Variants in FOXP2 observed in about 807,000 individuals in gnomAD.
FOXP2 encodes the protein forkhead box P2, also known as forkhead box protein P2.
FOXP2 carries 12 observed loss-of-function variants against 115.8 expected under a neutral mutation model. The observed-to-expected ratio is 0.10, with a 90% CI of 0.07 to 0.17. The LOEUF is 0.17. FOXP2 is among the 10% of genes least tolerant of loss of function. FOXP2 has a pLI of 1.00. For missense variants in FOXP2, 629 were observed against 843.5 expected (o/e 0.75, Z 3.15); for synonymous variants, 328 against 297.7 (o/e 1.10, Z -1.05).
At position 114,648,376 on chromosome 7, in the gene FOXP2, A is replaced by G. The variant is rs1806038789; in HGVS notation, c.1094+3587A>G. 2.0e-5 allele frequency among the ~76,000 whole-genome samples: 3 copies of G among 152,102 alleles called. No individual in the cohort carries two copies. The South Asian group carries it at 6.2e-4, about 31-fold the overall frequency. On this transcript the variant is annotated intron_variant, in intron 8 of 16. Coordinates refer to ENST00000350908, the MANE Select transcript of FOXP2 (RefSeq NM_014491.4). ...TCAGTGTTTAAACATAAAAAGCTTG[A>G]TGCAAAATAAATCAAACACCAGTGA...
At chr7:114,498,680 C>T (rs1485895043) in intron 2 of FOXP2, among the ~76,000 whole-genome samples, 1 of 152,102 alleles carries the variant, frequency 6.6e-6, no homozygotes, top group African/African-American at 2.4e-5. Flanking sequence ...GAAAAATATT[C>T]TTATACCAAA....
chr7:114,528,864 A>G (rs1020582557), intron 2 of FOXP2, among the ~76,000 whole-genome samples: 3 of 151,968 alleles, frequency 2.0e-5, no homozygotes, highest in Non-Finnish European at 2.9e-5. Flanking sequence ...TAGCAGAAAG[A>G]TAAATAATCA....
intron 3 of FOXP2, among the ~76,000 whole-genome samples, chr7:114,563,524 T>C (rs551715317): frequency 6.6e-6 from 1 of 152,306 alleles, no homozygotes; most frequent in East Asian, 1.9e-4. Context: ...AATCAGGAAG[T>C]TGAATGCCAC....
rs1226572677 is a variant in FOXP2, at chr7:114,389,997, C to G, written c.-10-36505C>G. ...TGAGATCGGACCACTGCTCTCCAGC[C>G]TGGGCAACAGAGTGACATTCAGTGT... On this transcript the variant is annotated intron_variant, in intron 2 of 17. Transcript: ENST00000634411. Among the ~76,000 whole-genome samples, 7 of 130,762 alleles carry G rather than the reference C, an allele frequency of 5.4e-5. No homozygotes were observed. In the East Asian group the frequency reaches 1.8e-3, roughly 33 times the overall value. The allele number at this position is 130,762 out of a possible 152,430, so 85.8% of individuals were successfully genotyped here.
chr7:114,167,828 C>T (rs997983152), intron 1 of FOXP2, among the ~76,000 whole-genome samples: 9 of 150,990 alleles, frequency 6.0e-5, no homozygotes, highest in Non-Finnish European at 1.0e-4. Flanking sequence ...CCCAGCTACT[C>T]GGGAGGCTGA....
intron 1 of FOXP2, among the ~76,000 whole-genome samples, chr7:114,214,423 T>C (rs886249660): frequency 6.6e-6 from 1 of 152,236 alleles, no homozygotes; most frequent in Non-Finnish European, 1.5e-5. Flanking sequence ...AACCAAAGCC[T>C]ATCTGCAACT....
chr7:114,251,419 C>T (rs1054001735), intron 1 of FOXP2, among the ~76,000 whole-genome samples: 2 of 152,138 alleles, frequency 1.3e-5, no homozygotes, highest in Non-Finnish European at 2.9e-5. Flanking sequence ...TTGATTCTTC[C>T]TATCCATGAA....
chr7:114,514,113 ACACACG>A (rs961899046), intron 2 of FOXP2, among the ~76,000 whole-genome samples: 4 of 135,172 alleles, frequency 3.0e-5, no homozygotes, highest in African/African-American at 1.1e-4. Flanking sequence ...ACACACACAC[ACACACG>A]CCATAAATAT....
At chr7:114,428,391 T>C (rs1258474953) in intron 2 of FOXP2, among the ~76,000 whole-genome samples, 1 of 151,492 alleles carries the variant, frequency 6.6e-6, no homozygotes, top group Non-Finnish European at 1.5e-5. Flanking sequence ...TAACCTGAGT[T>C]TGAAGTTTAC....
rs78587731 is a variant in FOXP2, at chr7:114,091,366, A to T, written c.-247+3528A>T. Among the ~76,000 whole-genome samples the T allele has an allele frequency of 6.4e-3, 978 of 151,998 alleles. 10 individuals carry two copies. Among genetic ancestry groups the T allele is most frequent in the African/African-American group, 0.022 (932 of 41,570 alleles). ...GTATTAAAATTATAAAGTAAATTTA[A>T]GGGTATACAGTGATATATTTTCAGT... is the stretch of plus-strand genomic sequence containing the variant. On this transcript the variant is annotated intron_variant, in intron 1 of 19. Coordinates refer to the FOXP2 transcript ENST00000635638.
At chr7:114,207,381 A>G (rs1450323053) in intron 1 of FOXP2, among the ~76,000 whole-genome samples, 2 of 152,158 alleles carry the variant, frequency 1.3e-5, no homozygotes, top group Non-Finnish European at 2.9e-5. Flanking sequence ...AAGTCTCTGT[A>G]CCATTTTAAA....
At chr7:114,355,479 G>A (rs796860735) in intron 2 of FOXP2, among the ~76,000 whole-genome samples, 7 of 152,176 alleles carry the variant, frequency 4.6e-5, no homozygotes, top group African/African-American at 1.4e-4. Context: ...ATGCACTTAG[G>A]TCAGAAATCA....
intron 2 of FOXP2, among the ~76,000 whole-genome samples, chr7:114,390,523 T>A (rs1792566844): frequency 6.9e-4 from 1 of 1,440 alleles, no homozygotes; most frequent in African/African-American, 9.0e-4. Flanking sequence ...TTTATTTATG[T>A]ATTTATTTAT....
At chr7:114,190,641 T>G (rs974422951) in intron 1 of FOXP2, among the ~76,000 whole-genome samples, 2 of 152,180 alleles carry the variant, frequency 1.3e-5, no homozygotes, top group Admixed American at 1.3e-4. Context: ...TAGAGAAACC[T>G]TAAAACATGC....
At chr7:114,254,475 G>T (rs1413067908) in intron 1 of FOXP2, among the ~76,000 whole-genome samples, 2 of 152,114 alleles carry the variant, frequency 1.3e-5, no homozygotes, top group Non-Finnish European at 1.5e-5. Flanking sequence ...CATATTTCTT[G>T]CAAACTTTGT....
chr7:114,545,699 T>C (rs1289544786), intron 3 of FOXP2, among the ~76,000 whole-genome samples: 1 of 152,176 alleles, frequency 6.6e-6, no homozygotes, highest in East Asian at 1.9e-4. Context: ...TGAGCTGCAA[T>C]ATCAAACTAC....
At chr7:114,114,214 T>C (rs1366466720) in intron 1 of FOXP2, among the ~76,000 whole-genome samples, 1 of 151,314 alleles carries the variant, frequency 6.6e-6, no homozygotes, top group Non-Finnish European at 1.5e-5. Context: ...AATGTCCATT[T>C]TGAAAAAGAA....
chr7:114,433,157 T>G (rs1003835179), intron 2 of FOXP2, among the ~76,000 whole-genome samples: 2 of 152,004 alleles, frequency 1.3e-5, no homozygotes, highest in Non-Finnish European at 2.9e-5. Flanking sequence ...AAAAGATTGT[T>G]TAATGCATAT....
At chr7:114,156,836 T>C (rs1792684601) in intron 1 of FOXP2, among the ~76,000 whole-genome samples, 1 of 152,172 alleles carries the variant, frequency 6.6e-6, no homozygotes, top group Non-Finnish European at 1.5e-5. Context: ...GAAATTGTCA[T>C]GTAACATGAT....
Sources: allele counts gnomAD v4.1 joint callset (sites outside exome capture counted in the v4.1 genomes callset), GRCh38; gene constraint gnomAD v4.1.1; transcripts MANE v1.5; gene names NCBI Gene and HGNC (gene_info 2026-07-23, HGNC 2026-07-21).